Variants in CALN1 observed in about 807,000 individuals in gnomAD.
CALN1 encodes calneuron 1.
A neutral mutation model predicts 30.6 loss-of-function variants in CALN1; 17 were observed. The observed-to-expected ratio is 0.56, with a 90% CI of 0.38 to 0.83. The LOEUF (loss-of-function observed/expected upper bound fraction) is 0.83. CALN1 is among the 40% of genes least tolerant of loss of function. The pLI is 0.00. For synonymous variants in CALN1, 156 were observed against 131.4 expected (o/e 1.19, Z -1.28); for missense variants, 291 against 354.9 (o/e 0.82, Z 1.45).
chr7:72,444,891 GT>G (rs987235857), intron 1 of CALN1, among the ~76,000 whole-genome samples: 1 of 152,068 alleles, frequency 6.6e-6, no homozygotes, highest in African/African-American at 2.4e-5. Context: ...AGGTCTGTTG[GT>G]CCCCAAAGGC....
chr7:72,496,920 A>T, the CALN1 span, among the ~76,000 whole-genome samples: 1 of 152,294 alleles, frequency 6.6e-6, no homozygotes, highest in South Asian at 2.1e-4. Flanking sequence ...AGGCCAAAGA[A>T]TCATAGGTGA....
At position 72,409,018 on chromosome 7, in the gene CALN1, C is replaced by T. The variant is rs1252117134; in HGVS notation, c.-74+3040G>A. On this transcript the variant is annotated intron_variant, in intron 1 of 6. Transcript: ENST00000395275. Reference sequence around the variant, plus strand: ...TTGGGGCAGGGGGGCAGCGGTGGAACAGAGTCTTGCTCTGTGGCCCACACT... The same window carrying T: ...TTGGGGCAGGGGGGCAGCGGTGGAATAGAGTCTTGCTCTGTGGCCCACACT... Among the ~76,000 whole-genome samples the T allele has an allele frequency of 2.0e-5, 3 of 151,760 alleles. No individual in the cohort carries two copies. The East Asian group carries it at 5.9e-4, about 30-fold the overall frequency.
At chr7:72,002,206 A>C (rs2129528634) in intron 5 of CALN1, among the ~76,000 whole-genome samples, 1 of 152,230 alleles carries the variant, frequency 6.6e-6, no homozygotes, top group East Asian at 1.9e-4. Context: ...ATCCTGAAAA[A>C]CCACTGTAAA....
chr7:72,430,731 C>T lies in CALN1; in HGVS notation c.-226+16311G>A, dbSNP rs76008076. 2.9e-3 allele frequency among the ~76,000 whole-genome samples: 448 copies of T among 152,252 alleles called. 2 individuals carry two copies. The highest frequency in any genetic ancestry group is 0.011 in the African/African-American group (438 of 41,572). The stretch of plus-strand genomic sequence containing the variant: ...TAAGGACCCGGTCTGGCTGTACCTG[C>T]GCTCTGCATGGTATCCTGTTCCGGA... On this transcript the variant is annotated intron_variant, in intron 1 of 6. Transcript: ENST00000395276.
intron 5 of CALN1, among the ~76,000 whole-genome samples, chr7:71,910,594 A>G (rs1008375619): frequency 6.6e-6 from 1 of 151,810 alleles, no homozygotes; most frequent in Non-Finnish European, 1.5e-5. Context: ...ATACCAAGAA[A>G]CTCACTGAGT....
At position 72,104,530 on chromosome 7, in the gene CALN1, A is replaced by C. The variant is rs367995438; in HGVS notation, c.388+1621T>G. Among the ~76,000 whole-genome samples the C allele has an allele frequency of 8.5e-5, 13 of 152,144 alleles. No individual in the cohort carries two copies. The East Asian group carries it at 2.3e-3, about 27-fold the overall frequency. The stretch of plus-strand genomic sequence containing the variant: ...GTATTAAGCCCAGCACCCATTAGCT[A>C]TTCTTCCCAATGCTCTCCCTCCCCA... On this transcript the variant is annotated intron_variant, in intron 4 of 6. Coordinates refer to ENST00000395275, the MANE Select transcript of CALN1 (RefSeq NM_031468.4).
intron 1 of CALN1, among the ~76,000 whole-genome samples, chr7:72,438,812 G>A (rs1414875279): frequency 6.6e-6 from 1 of 152,152 alleles, no homozygotes; most frequent in Non-Finnish European, 1.5e-5. Flanking sequence ...CCAAATAGCT[G>A]CCACTCTTCG....
intron 3 of CALN1, among the ~76,000 whole-genome samples, chr7:72,148,925 A>G (rs1052449607): frequency 2.0e-5 from 3 of 149,698 alleles, no homozygotes; most frequent in African/African-American, 7.4e-5. Flanking sequence ...AGAAAGAAAG[A>G]AAGAAAAAAA....
intron 3 of CALN1, among the ~76,000 whole-genome samples, chr7:72,252,455 T>A (rs1795625170): frequency 6.6e-6 from 1 of 151,932 alleles, no homozygotes; most frequent in African/African-American, 2.4e-5. Context: ...CAATAAAAAA[T>A]TAGCCATGTG....
chr7:71,787,581 A>C lies in CALN1; in HGVS notation c.*194T>G. On this transcript the variant is annotated 3_prime_UTR_variant, in exon 7 of 7. Transcript: ENST00000395275. Reference sequence around the variant, plus strand: ...ATTAAAGCACTGAAGACAGCCCTTTAGTGTCCCTGCCAAGGAGATGAAGCT... The same window carrying C: ...ATTAAAGCACTGAAGACAGCCCTTTCGTGTCCCTGCCAAGGAGATGAAGCT... 1.6e-6 allele frequency: 1 copy of C among 616,746 alleles called. No individual in the cohort carries two copies. Among genetic ancestry groups the C allele is most frequent in the South Asian group, 2.8e-5 (1 of 35,960 alleles). 38.2% of individuals were successfully genotyped at this position (616,746 alleles called of 1,614,324 possible). A position where few individuals can be genotyped will look rare whatever the true frequency, so the allele number is the denominator to read the frequency against.
chr7:72,251,117 C>T (rs1341971016), intron 3 of CALN1, among the ~76,000 whole-genome samples: 1 of 152,124 alleles, frequency 6.6e-6, no homozygotes, highest in Non-Finnish European at 1.5e-5. Context: ...TACCTCCCTA[C>T]TACAGTCCCA....
At chr7:72,309,559 C>G (rs1410052449) in intron 2 of CALN1, among the ~76,000 whole-genome samples, 2 of 152,002 alleles carry the variant, frequency 1.3e-5, no homozygotes, top group Non-Finnish European at 2.9e-5. Flanking sequence ...ACATGCGTGA[C>G]CAAGGGAGGG....
At chr7:72,012,460 C>A (rs896487010) in intron 5 of CALN1, among the ~76,000 whole-genome samples, 2 of 152,114 alleles carry the variant, frequency 1.3e-5, no homozygotes, top group African/African-American at 4.8e-5. Flanking sequence ...TGCAGTGAGC[C>A]GAGGTCGTGC....
chr7:72,400,216 T>C (rs1806244554), intron 2 of CALN1, among the ~76,000 whole-genome samples: 1 of 152,172 alleles, frequency 6.6e-6, no homozygotes, highest in African/African-American at 2.4e-5. Context: ...CCATTTATAG[T>C]GGCAGCAGCT....
At chr7:72,136,478 A>G (rs1251072065) in intron 3 of CALN1, among the ~76,000 whole-genome samples, 1 of 152,146 alleles carries the variant, frequency 6.6e-6, no homozygotes, top group Non-Finnish European at 1.5e-5. Flanking sequence ...TTAATTTTCT[A>G]TCCAGACCTC....
intron 2 of CALN1, among the ~76,000 whole-genome samples, chr7:72,287,723 G>A (rs1279194060): frequency 6.6e-6 from 1 of 152,126 alleles, no homozygotes; most frequent in Non-Finnish European, 1.5e-5. Flanking sequence ...TGGGATTACA[G>A]GCGTGAGCCA....
At chr7:71,949,071 A>G (rs1039424406) in intron 5 of CALN1, among the ~76,000 whole-genome samples, 12 of 133,976 alleles carry the variant, frequency 9.0e-5, no homozygotes, top group Admixed American at 4.6e-4. Context: ...AAAAAAAAAA[A>G]AGAATTTGTT....
chr7:72,057,773 C>T (rs1187666266), intron 4 of CALN1, among the ~76,000 whole-genome samples: 2 of 152,026 alleles, frequency 1.3e-5, no homozygotes, highest in African/African-American at 4.8e-5. Flanking sequence ...TTACAGAAAG[C>T]CATAGATTTC....
chr7:72,144,560 TCAA>T (rs1438265860), intron 3 of CALN1, among the ~76,000 whole-genome samples: 1 of 152,116 alleles, frequency 6.6e-6, no homozygotes. Flanking sequence ...ATCAGACAGA[TCAA>T]CAAGACAGAA....
Sources: allele counts gnomAD v4.1 joint callset (sites outside exome capture counted in the v4.1 genomes callset), GRCh38; gene constraint gnomAD v4.1.1; transcripts MANE v1.5; gene names NCBI Gene and HGNC (gene_info 2026-07-23, HGNC 2026-07-21).